The following GMFB variants were observed in gnomAD, a reference collection of about 807,000 sequenced individuals.
GMFB encodes the protein glia maturation factor beta, also known as GMF-beta.
GMFB carries 13 observed loss-of-function variants against 25.6 expected under a neutral mutation model. The observed-to-expected ratio is 0.51, with a 90% CI of 0.33 to 0.81. The LOEUF (loss-of-function observed/expected upper bound fraction) is 0.81. Among genes scored for constraint, GMFB ranks in the 30% least tolerant of loss-of-function variants. The pLI, the probability that GMFB is intolerant of heterozygous loss-of-function variation, is 0.02. For missense variants in GMFB, 146 were observed against 175.4 expected (o/e 0.83, Z 0.95); for synonymous variants, 57 against 56.9 (o/e 1.00, Z 0.00).
At position 54,482,171 on chromosome 14, in the gene GMFB, T is replaced by C. The variant is rs1205950150; in HGVS notation, c.132A>G (p.Val44=). 1.9e-6 allele frequency: 3 copies of C among 1,601,688 alleles called. No homozygotes were observed. The highest frequency in any genetic ancestry group is 2.6e-6 in the Non-Finnish European group (3 of 1,168,910). Residue 44 remains valine (V), a synonymous_variant, in exon 3 of 7, where the codon GTA becomes GTG. Transcript: ENST00000358056. ...AACAAACCTCAAGCTCCTCATCCAG[T>C]ACCACCAGGCGTTTATCCTTGTCAA... ...MKIDKDKRLV[V]LDEELEGISP... is the part of the protein sequence containing the mutation.
chr14:54,481,935 A>T (rs2031715916), intron 3 of GMFB, among the ~76,000 whole-genome samples: 1 of 152,186 alleles, frequency 6.6e-6, no homozygotes, highest in Non-Finnish European at 1.5e-5. Context: ...ACCCCAACTT[A>T]TACCACTTAT....
At chr14:54,486,246 CT>C (rs2031781048) in intron 1 of GMFB, among the ~76,000 whole-genome samples, 1 of 152,022 alleles carries the variant, frequency 6.6e-6, no homozygotes, top group African/African-American at 2.4e-5. Context: ...GAGACTCCAT[CT>C]CAAAAACAAA....
rs1212320024 is a variant in GMFB, at chr14:54,482,019, T to C, written c.150+134A>G. 14 of 629,986 alleles carry C rather than the reference T, an allele frequency of 2.2e-5. No individual in the cohort carries two copies. In the African/African-American group the frequency reaches 2.4e-4, roughly 11 times the overall value. 39.0% of individuals were successfully genotyped at this position (629,986 alleles called of 1,614,324 possible). On this transcript the variant is annotated intron_variant, in intron 3 of 6. Transcript: ENST00000358056. ...TATCACAAACTACACAATTAGCACA[T>C]GCTTTTATGCATAATGAGCATGTAT... is the stretch of plus-strand genomic sequence containing the variant.
intron 3 of GMFB, 74 bp downstream of exon 3, chr14:54,482,079 T>G: frequency 1.1e-6 from 1 of 937,496 alleles, no homozygotes; most frequent in South Asian, 1.4e-5. Flanking sequence ...TAGAAGCATA[T>G]GTAACTAATA....
At chr14:54,483,596 A>G in intron 2 of GMFB, 75 bp downstream of exon 2, 1 of 752,922 alleles carries the variant, frequency 1.3e-6, no homozygotes, top group South Asian at 1.6e-5. Flanking sequence ...CCAACGGTTC[A>G]GTTCATTCAA....
At position 54,478,118 on chromosome 14, in the gene GMFB, C is replaced by G; in HGVS notation, c.399G>C (p.Trp133Cys). 1 of 1,462,266 alleles carries G rather than the reference C, an allele frequency of 6.8e-7. No homozygotes were observed. The highest frequency in any genetic ancestry group is 9.2e-7 in the Non-Finnish European group (1 of 1,081,670). The allele number at this position is 1,462,266 out of a possible 1,614,324, so 90.6% of individuals were successfully genotyped here. A position where few individuals can be genotyped will look rare whatever the true frequency, so the allele number is the denominator to read the frequency against. ...IRNTEDLTEE[W>C]LREKLGFFH ...GAAAAAATCCAAGTTTCTCACGTAACCATTCTTCAGTTAGGTCTTCGGTAT... is the reference window on the plus strand; with the variant it reads ...GAAAAAATCCAAGTTTCTCACGTAAGCATTCTTCAGTTAGGTCTTCGGTAT... The change falls in exon 7 of 7, where the codon TGG becomes TGC. Residue 133 changes from tryptophan to cysteine, a missense_variant. By Grantham distance (215) the Trp-to-Cys change is radical. Transcript: ENST00000358056.
rs2031617371 is a variant in GMFB, at chr14:54,474,994, A to G, written c.*3094T>C. On this transcript the variant is annotated 3_prime_UTR_variant, in exon 7 of 7. Coordinates refer to ENST00000358056, the MANE Select transcript of GMFB (RefSeq NM_004124.3). ...TGAAACACATCCTCACAAAAGTTGTAATGGCTCAAACTCTATAAATTCCAG... is the reference window on the plus strand; with the variant it reads ...TGAAACACATCCTCACAAAAGTTGTGATGGCTCAAACTCTATAAATTCCAG... 6.6e-6 allele frequency: 1 copy of G among 152,616 alleles called. No individual in the cohort carries two copies. Among genetic ancestry groups the G allele is most frequent in the Non-Finnish European group, 1.5e-5 (1 of 68,006 alleles). The allele number at this position is 152,616 out of a possible 1,614,324, so 9.5% of individuals were successfully genotyped here. A position where few individuals can be genotyped will look rare whatever the true frequency, so the allele number is the denominator to read the frequency against.
intron 1 of GMFB, among the ~76,000 whole-genome samples, chr14:54,486,646 A>G (rs938424433): frequency 2.0e-5 from 3 of 152,222 alleles, no homozygotes; most frequent in Admixed American, 6.5e-5. Context: ...AATAGTTAAC[A>G]TGTATCAGAC....
chr14:54,480,787 C>T, intron 5 of GMFB, 87 bp downstream of exon 5: 4 of 712,488 alleles, frequency 5.6e-6, no homozygotes, highest in Non-Finnish European at 7.5e-6. Flanking sequence ...CAATGTTCAT[C>T]TTTAAAAACA....
chr14:54,483,982 T>C, intron 1 of GMFB: 1 of 650,384 alleles, frequency 1.5e-6, no homozygotes, highest in South Asian at 1.5e-5. Flanking sequence ...CTCATATATG[T>C]AAGGTATATT....
chr14:54,477,325 G>A lies in GMFB; in HGVS notation c.*763C>T, dbSNP rs1202410216. Reference sequence around the variant, plus strand: ...TATTAACACATTTAAAATAATTAGTGTTCACAGGACATTGAGGTGCTTTAT... The same window carrying A: ...TATTAACACATTTAAAATAATTAGTATTCACAGGACATTGAGGTGCTTTAT... On this transcript the variant is annotated 3_prime_UTR_variant, in exon 7 of 7. Coordinates refer to ENST00000358056, the MANE Select transcript of GMFB (RefSeq NM_004124.3). 6.6e-6 allele frequency: 1 copy of A among 152,420 alleles called. No homozygotes were observed. The highest frequency in any genetic ancestry group is 2.4e-5 in the African/African-American group (1 of 41,414). 9.4% of individuals were successfully genotyped at this position (152,420 alleles called of 1,614,324 possible). A position where few individuals can be genotyped will look rare whatever the true frequency, so the allele number is the denominator to read the frequency against.
intron 3 of GMFB, 122 bp downstream of exon 3, chr14:54,482,031 T>C: frequency 1.5e-6 from 1 of 661,740 alleles, no homozygotes; most frequent in Non-Finnish European, 2.7e-6. Flanking sequence ...CTTTTATGCA[T>C]AATGAGCATG....
At chr14:54,479,554 G>T in intron 6 of GMFB, 1 of 433,000 alleles carries the variant, frequency 2.3e-6, no homozygotes, top group South Asian at 3.2e-5. Context: ...TTCTAACACT[G>T]CCTATATTTT....
intron 6 of GMFB, 193 bp downstream of exon 6, chr14:54,479,593 C>T: frequency 2.1e-6 from 1 of 465,332 alleles, no homozygotes; most frequent in South Asian, 3.4e-5. Context: ...TCAACTTATT[C>T]AAAAAATACA....
chr14:54,483,278 T>C, intron 2 of GMFB: 1 of 163,408 alleles, frequency 6.1e-6, no homozygotes, highest in Non-Finnish European at 1.3e-5. Flanking sequence ...AAAGTCACTA[T>C]GTACACAATG....
At chr14:54,488,582 GCAGAC>G in intron 1 of GMFB, 1 of 297,746 alleles carries the variant, frequency 3.4e-6, no homozygotes, top group East Asian at 5.4e-5. Flanking sequence ...CTCCGATGGG[GCAGAC>G]CCCTTTCCCT....
At chr14:54,482,053 G>A (rs191198588) in intron 3 of GMFB, 100 bp downstream of exon 3, 2 of 742,912 alleles carry the variant, frequency 2.7e-6, no homozygotes, top group Admixed American at 4.2e-5. Flanking sequence ...ATTTAAAGGA[G>A]GTTCAAGATT....
chr14:54,475,938 A>C lies in GMFB; in HGVS notation c.*2150T>G, dbSNP rs2031633688. On this transcript the variant is annotated 3_prime_UTR_variant, in exon 7 of 7. Transcript: ENST00000358056. ...GAAAAAAAGACAGTAAATACGAAAC[A>C]TACTTGAAAAGAACAATGCAAAATT... 6.6e-6 allele frequency: 1 copy of C among 152,136 alleles called. No homozygotes were observed. The allele number at this position is 152,136 out of a possible 1,614,324, so 9.4% of individuals were successfully genotyped here.
chr14:54,483,818 C>A (rs1028204738), intron 1 of GMFB, 51 bp from the exon 2 acceptor site: 1 of 987,404 alleles, frequency 1.0e-6, no homozygotes, highest in Non-Finnish European at 1.6e-6. Context: ...AATATATGTA[C>A]ATGTTAAAGT....
Sources: gnomAD v4.1 joint callset for allele counts (sites outside exome capture counted in the v4.1 genomes callset) on GRCh38, gnomAD v4.1.1 for gene constraint, MANE v1.5 for transcripts, NCBI Gene and HGNC (gene_info 2026-07-23, HGNC 2026-07-21) for gene names.